The following SCN3A variants were observed in gnomAD, a reference collection of about 807,000 sequenced individuals.
SCN3A encodes sodium voltage-gated channel alpha subunit 3.
A neutral mutation model predicts 187.6 loss-of-function variants in SCN3A; 60 were observed. The observed-to-expected ratio is 0.32, with a 90% CI of 0.26 to 0.40. The LOEUF is 0.40. Among genes scored for constraint, SCN3A ranks in the 10% least tolerant of loss-of-function variants. SCN3A has a pLI of 1.00. For synonymous variants in SCN3A, 788 were observed against 829.2 expected, an observed-to-expected ratio of 0.95 and a Z score of 0.85; for missense variants, 1,601 against 2,428.2, an observed-to-expected ratio of 0.66 and a Z score of 7.16.
At chr2:165,177,739 T>C (rs1250411801) in intron 2 of SCN3A, among the ~76,000 whole-genome samples, 1 of 152,102 alleles carries the variant, frequency 6.6e-6, no homozygotes, top group Non-Finnish European at 1.5e-5. Flanking sequence ...CAAAAATCTA[T>C]TTGCAGGATA....
At position 165,090,294 on chromosome 2, in the gene SCN3A, G is replaced by A. The variant is rs76096365; in HGVS notation, c.5859C>T (p.Ser1953=). 3.8e-3 allele frequency: 6,150 copies of A among 1,613,200 alleles called. 205 individuals are homozygous for A. In the African/African-American group the frequency reaches 0.073, roughly 19 times the overall value. Residue 1953 remains serine, a synonymous_variant, in exon 28 of 28, where the codon TCC becomes TCT. Transcript: ENST00000283254. This position sits in a 1 kb window ranked among gnomAD's most constrained non-coding sequence, Gnocchi z 4.0. ...AACTCCCATCTGTTTTTTCTGGAGT[G>A]GAGTTCCCATTTAGTTTGTCAATAA... is the stretch of plus-strand genomic sequence containing the variant. ...DMIIDKLNGN[S]TPEKTDGSSS... is the part of the protein sequence containing the mutation.
chr2:165,180,203 A>G (rs1574312984), intron 2 of SCN3A, among the ~76,000 whole-genome samples: 1 of 152,280 alleles, frequency 6.6e-6, no homozygotes, highest in South Asian at 2.1e-4. Flanking sequence ...GCGGAACTCC[A>G]AATCTGGAAA....
intron 12 of SCN3A, among the ~76,000 whole-genome samples, chr2:165,143,245 A>C (rs1209837543): frequency 1.3e-5 from 2 of 152,164 alleles, no homozygotes; most frequent in African/African-American, 2.4e-5. Flanking sequence ...AGAAATACTA[A>C]CTTGGTCTTA....
At chr2:165,135,041 T>C (rs2105790753) in intron 15 of SCN3A, among the ~76,000 whole-genome samples, 1 of 152,202 alleles carries the variant, frequency 6.6e-6, no homozygotes, top group Non-Finnish European at 1.5e-5. Flanking sequence ...TCTCTGTAAC[T>C]GTTTTCAGTT....
At chr2:165,186,068 G>A (rs1429843090) in intron 2 of SCN3A, among the ~76,000 whole-genome samples, 1 of 151,970 alleles carries the variant, frequency 6.6e-6, no homozygotes, top group African/African-American at 2.4e-5. Context: ...TCAGGAGATC[G>A]AGACCATCCT....
intron 16 of SCN3A, chr2:165,130,515 T>A: frequency 1.8e-6 from 1 of 563,846 alleles, no homozygotes; most frequent in South Asian, 2.3e-5. Flanking sequence ...AAATAAAACA[T>A]TTCAGAAATA....
At chr2:165,091,948 T>A (rs1344865199) in intron 27 of SCN3A, 2 of 430,718 alleles carry the variant, frequency 4.6e-6, no homozygotes, top group Non-Finnish European at 8.6e-6. Flanking sequence ...TACAATGATT[T>A]GTTTTTTAAG....
intron 18 of SCN3A, among the ~76,000 whole-genome samples, chr2:165,118,281 C>T (rs1686472010): frequency 6.6e-6 from 1 of 152,152 alleles, no homozygotes; most frequent in African/African-American, 2.4e-5. Context: ...AAAAACCCTG[C>T]CACCATTCTG....
chr2:165,150,083 C>A (rs1471906752), intron 11 of SCN3A, among the ~76,000 whole-genome samples: 1 of 152,154 alleles, frequency 6.6e-6, no homozygotes, highest in Non-Finnish European at 1.5e-5. Flanking sequence ...ATATAGACTG[C>A]TATGGGATAT....
At chr2:165,164,933 A>T (rs995733720) in intron 5 of SCN3A, among the ~76,000 whole-genome samples, 3 of 152,184 alleles carry the variant, frequency 2.0e-5, no homozygotes, top group Non-Finnish European at 4.4e-5. Flanking sequence ...TATTTAAACC[A>T]ATATATCTAA....
intron 1 of SCN3A, among the ~76,000 whole-genome samples, chr2:165,193,762 T>C (rs1309983101): frequency 6.6e-6 from 1 of 152,188 alleles, no homozygotes; most frequent in East Asian, 1.9e-4. Flanking sequence ...ATGGCGGTGT[T>C]GACTACTCCA....
At chr2:165,115,943 A>G (rs1686350241) in intron 18 of SCN3A, among the ~76,000 whole-genome samples, 1 of 152,206 alleles carries the variant, frequency 6.6e-6, no homozygotes, top group Non-Finnish European at 1.5e-5. Flanking sequence ...ACATCTAGCC[A>G]TGATTATGTT....
At chr2:165,103,790 A>G (rs1685722169) in intron 21 of SCN3A, among the ~76,000 whole-genome samples, 1 of 152,210 alleles carries the variant, frequency 6.6e-6, no homozygotes, top group Middle Eastern at 3.2e-3. Flanking sequence ...TTCAACATGA[A>G]CAAATAAAAG....
At chr2:165,119,513 A>C (rs1351133241) in intron 18 of SCN3A, among the ~76,000 whole-genome samples, 1 of 152,184 alleles carries the variant, frequency 6.6e-6, no homozygotes, top group Non-Finnish European at 1.5e-5. Flanking sequence ...AAGCATTTTA[A>C]ATTGTATACA....
At chr2:165,168,911 CA>C in intron 4 of SCN3A, 86 bp from the exon 5 acceptor site, 2 of 854,180 alleles carry the variant, frequency 2.3e-6, no homozygotes, top group Non-Finnish European at 2.0e-6. Flanking sequence ...TTTATCGATG[CA>C]AAAACTGTGA....
intron 11 of SCN3A, among the ~76,000 whole-genome samples, chr2:165,153,714 C>T (rs555414251): frequency 5.3e-4 from 81 of 151,982 alleles, no homozygotes; most frequent in Non-Finnish European, 1.0e-3. Context: ...AAAGACTGGC[C>T]ATACCAAATG....
At chr2:165,132,943 C>G (rs1687434080) in intron 15 of SCN3A, among the ~76,000 whole-genome samples, 1 of 152,040 alleles carries the variant, frequency 6.6e-6, no homozygotes, top group Non-Finnish European at 1.5e-5. Context: ...AAGAAAAAAA[C>G]AAACAACCCC....
At chr2:165,106,580 C>T (rs1438370767) in intron 21 of SCN3A, among the ~76,000 whole-genome samples, 1 of 151,696 alleles carries the variant, frequency 6.6e-6, no homozygotes, top group Non-Finnish European at 1.5e-5. Context: ...GATAACTACT[C>T]TGTGCCTCAA....
rs747148406 is a variant in SCN3A, at chr2:165,127,899, C to T, written c.3125G>A (p.Gly1042Asp). 6.2e-7 allele frequency: 1 copy of T among 1,613,954 alleles called. No individual in the cohort carries two copies. The highest frequency in any genetic ancestry group is 8.5e-7 in the Non-Finnish European group (1 of 1,180,018). The change falls in exon 18 of 28, where the codon GGC becomes GAC. Residue 1042 changes from glycine to aspartate, a missense_variant. Physicochemically the swap from Gly to Asp is moderately conservative, Grantham distance 94. Around this residue, in one of 11 missense-constraint regions of SCN3A, gnomAD observed 267 missense variants for 313.2 expected, o/e 0.85. Coordinates refer to ENST00000283254, the MANE Select transcript of SCN3A (RefSeq NM_006922.4). ...GGACATGCAGCTGTCTATCTTATTGCCTTCATGGATTTCTATAACTTTTGG... is the reference window on the plus strand; with the variant it reads ...GGACATGCAGCTGTCTATCTTATTGTCTTCATGGATTTCTATAACTTTTGG... The part of the protein sequence containing the change: ...RKPKVIEIHE[G>D]NKIDSCMSNN...
Sources: allele counts gnomAD v4.1 joint callset (sites outside exome capture counted in the v4.1 genomes callset), GRCh38; gene constraint gnomAD v4.1.1; regional missense constraint gnomAD v4.1.1; non-coding constraint Gnocchi (gnomAD v3.1); transcripts MANE v1.5; gene names NCBI Gene and HGNC (gene_info 2026-07-23, HGNC 2026-07-21).